TELO2: variants seen among roughly 807,000 people sequenced by gnomAD.
TELO2 encodes telomere maintenance 2.
TELO2 carries 71 observed loss-of-function variants against 91.0 expected under a neutral mutation model. The ratio of observed to expected loss-of-function variants is 0.78; its 90% CI spans 0.64 to 0.95. The LOEUF is 0.95. Among genes scored for constraint, TELO2 ranks in the 40% least tolerant of loss-of-function variants. The pLI, the probability that TELO2 is intolerant of heterozygous loss-of-function variation, is 0.00. For synonymous variants in TELO2, 584 were observed against 518.9 expected, an observed-to-expected ratio of 1.13 and a Z score of -1.71; for missense variants, 1,183 against 1,141.3, an observed-to-expected ratio of 1.04 and a Z score of -0.53.
chr16:1,501,120 G>A lies in TELO2; in HGVS notation c.1282-300G>A, dbSNP rs188312543. Among the ~76,000 whole-genome samples, 6 of 152,346 alleles carry A rather than the reference G, an allele frequency of 3.9e-5. No individual in the cohort carries two copies. The East Asian group carries it at 9.6e-4, about 24-fold the overall frequency. ...TCTGCCTTCAGGCTGTGGAGGTGACGGCCTGTCCTCTTATCTGCTGAGAAC... is the reference window on the plus strand; with the variant it reads ...TCTGCCTTCAGGCTGTGGAGGTGACAGCCTGTCCTCTTATCTGCTGAGAAC... On this transcript the variant is annotated intron_variant, in intron 9 of 20. Transcript: ENST00000262319.
intron 17 of TELO2, 99 bp downstream of exon 17, chr16:1,506,428 G>A (rs2039895661): frequency 6.2e-7 from 1 of 1,604,758 alleles, no homozygotes; most frequent in Non-Finnish European, 8.5e-7. Context: ...GTGGGTTTGG[G>A]TGTGAACAGG....
chr16:1,495,653 C>A, intron 3 of TELO2, 30 bp downstream of exon 3: 1 of 1,556,374 alleles, frequency 6.4e-7, no homozygotes, highest in Non-Finnish European at 8.7e-7. Context: ...ACCCCCTTTG[C>A]CACCCGTCTT....
In TELO2 at chr16:1,494,079, C is replaced by T. The variant is rs1490774126; in HGVS notation, c.-36-167C>T. On this transcript the variant is annotated intron_variant, in intron 1 of 20. Transcript: ENST00000262319. The surrounding 1 kb of genome is among the most constrained non-coding windows in gnomAD (Gnocchi z 5.6). The stretch of plus-strand genomic sequence containing the variant: ...TAGCGTTGGGGTCCGAGCGGAGGAG[C>T]GAACTCTGGGTGGAAACCGGCAGGC... Among the ~76,000 whole-genome samples, 1 of 151,794 alleles carries T rather than the reference C, an allele frequency of 6.6e-6. No homozygotes were observed. Among genetic ancestry groups the T allele is most frequent in the Non-Finnish European group, 1.5e-5 (1 of 67,950 alleles).
Position 1,494,500 on chromosome 16 carries a change from C to G in TELO2, c.219C>G (p.Ala73=), listed in dbSNP as rs1159471179. 1.2e-6 allele frequency: 2 copies of G among 1,613,326 alleles called. No homozygotes were observed. Among genetic ancestry groups the G allele is most frequent in the East Asian group, 4.5e-5 (2 of 44,864 alleles). ...LRCLASRLSP[A]WLELLPHGRL... The stretch of plus-strand genomic sequence containing the variant: ...GTCTTGCCAGCAGGCTGAGCCCAGC[C>G]TGGCTGGAGCTGCTGCCCCATGGCC... The change falls in exon 2 of 21, where the codon GCC becomes GCG. Residue 73 remains alanine (A), a synonymous_variant. Transcript: ENST00000262319. This position sits in a 1 kb window ranked among gnomAD's most constrained non-coding sequence, Gnocchi z 5.6.
intron 15 of TELO2, 150 bp downstream of exon 15, chr16:1,503,152 A>G (rs2039768927): frequency 3.6e-6 from 3 of 826,510 alleles, no homozygotes; most frequent in Non-Finnish European, 5.8e-6. Context: ...GGCAGGACTC[A>G]GCAGTGGGGG....
intron 3 of TELO2, 37 bp from the exon 4 acceptor site, chr16:1,496,999 C>T (rs200395716): frequency 5.7e-5 from 92 of 1,607,036 alleles, no homozygotes; most frequent in East Asian, 4.5e-4. Flanking sequence ...TGTGCCTTCC[C>T]GCCGGCTTCC....
rs780829741 is a variant in TELO2, at chr16:1,500,124, A to G, written c.962A>G (p.His321Arg). ...CCCATGCTGCAGAGCCTGCTGGGCC[A>G]TCTGGCCATGGACAGCCAGCGGCGC... ...TTPMLQSLLG[H>R]LAMDSQRRPL... The change falls in exon 7 of 21, where the codon CAT becomes CGT. Residue 321 changes from histidine (H) to arginine (R), a missense_variant. Transcript: ENST00000262319. 9.3e-6 allele frequency: 15 copies of G among 1,608,848 alleles called. No individual in the cohort carries two copies.
chr16:1,494,697 T>C lies in TELO2; in HGVS notation c.335+81T>C, dbSNP rs985974836. The C allele has an allele frequency of 2.9e-6, 4 of 1,394,734 alleles. No individual in the cohort carries two copies. In the African/African-American group the frequency reaches 4.3e-5, roughly 15 times the overall value. The allele number at this position is 1,394,734 out of a possible 1,614,324, so 86.4% of individuals were successfully genotyped here. ...GGCTTGAAGGACTGGACCAAGAGCC[T>C]CTCTAGTCCCTGTGAGGGGCTAGAG... On this transcript the variant is annotated intron_variant, in intron 2 of 20. Transcript: ENST00000262319. This position sits in a 1 kb window ranked among gnomAD's most constrained non-coding sequence, Gnocchi z 5.6.
At chr16:1,496,136 T>C (rs2039484304) in intron 3 of TELO2, among the ~76,000 whole-genome samples, 1 of 152,130 alleles carries the variant, frequency 6.6e-6, no homozygotes, top group Admixed American at 6.5e-5. Flanking sequence ...ACCCCTTCCT[T>C]CTCTTGCCTT....
At chr16:1,496,441 C>T (rs1340074435) in intron 3 of TELO2, among the ~76,000 whole-genome samples, 1 of 152,232 alleles carries the variant, frequency 6.6e-6, no homozygotes. Flanking sequence ...TGCTGCTGTG[C>T]ATGGGCCCAT....
rs1337988162 is a variant in TELO2, at chr16:1,494,365, C to A, written c.84C>A (p.Ile28=). The A allele has an allele frequency of 1.2e-6, 2 of 1,613,546 alleles. No individual in the cohort carries two copies. Among genetic ancestry groups the A allele is most frequent in the East Asian group, 2.2e-5 (1 of 44,872 alleles). The change falls in exon 2 of 21, where the codon ATC becomes ATA. Residue 28 remains isoleucine (I), a synonymous_variant. Coordinates refer to ENST00000262319, the MANE Select transcript of TELO2 (RefSeq NM_016111.4). The surrounding 1 kb of genome is among the most constrained non-coding windows in gnomAD (Gnocchi z 5.6). The stretch of plus-strand genomic sequence containing the variant: ...CGTCTTCGGAGGATGGCGGCCACAT[C>A]TTCTGCACCCTGGAGTCCCTGAAGC... ...ALSSSEDGGH[I]FCTLESLKRY...
chr16:1,501,353 G>A (rs1009551196), intron 9 of TELO2, 67 bp from the exon 10 acceptor site: 14 of 1,546,392 alleles, frequency 9.1e-6, no homozygotes, highest in African/African-American at 4.1e-5. Flanking sequence ...AGTGGCTCCC[G>A]TGGCTCCGTC....
intron 13 of TELO2, 75 bp downstream of exon 13, chr16:1,502,479 GA>G: frequency 3.9e-6 from 6 of 1,532,474 alleles, no homozygotes; most frequent in Non-Finnish European, 5.3e-6. Context: ...CCTGGCCACT[GA>G]GGGTGACATA....
At chr16:1,499,991 G>C in intron 6 of TELO2, 105 bp from the exon 7 acceptor site, 1 of 1,320,736 alleles carries the variant, frequency 7.6e-7, no homozygotes, top group Non-Finnish European at 1.0e-6. Context: ...TCCGTCTGCT[G>C]CCCTCAGTCT....
At chr16:1,503,060 G>T in intron 15 of TELO2, 58 bp downstream of exon 15, 1 of 1,593,332 alleles carries the variant, frequency 6.3e-7, no homozygotes. Context: ...CTAAGGTGGG[G>T]CTGCCAAAAC....
chr16:1,500,415 G>A lies in TELO2; in HGVS notation c.1071G>A (p.Gln357=), dbSNP rs765144612. The A allele has an allele frequency of 1.3e-5, 21 of 1,605,420 alleles. No individual in the cohort carries two copies. The South Asian group carries it at 2.2e-4, about 17-fold the overall frequency. Residue 357 remains glutamine (Q), a synonymous_variant, in exon 8 of 21, where the codon CAG becomes CAA. Transcript: ENST00000262319. The part of the protein sequence containing the change: ...SAIRHTPLPQ[Q]RHVSKAVLIC... ...TCCGCCACACTCCCCTGCCGCAGCAGCGCCACGTCAGCAAGGCTGTCCTCA... is the reference window on the plus strand; with the variant it reads ...TCCGCCACACTCCCCTGCCGCAGCAACGCCACGTCAGCAAGGCTGTCCTCA...
chr16:1,509,713 C>T, intron 20 of TELO2, 117 bp from the exon 21 acceptor site: 2 of 916,138 alleles, frequency 2.2e-6, no homozygotes, highest in East Asian at 5.3e-5. Context: ...AGACCCGAGC[C>T]CCCTTTCTTC....
At chr16:1,502,563 G>A (rs980991039) in intron 13 of TELO2, 82 bp from the exon 14 acceptor site, 12 of 1,542,262 alleles carry the variant, frequency 7.8e-6, no homozygotes, top group Admixed American at 1.8e-5. Flanking sequence ...TGGGGTGGGT[G>A]GCTCCGGCCC....
chr16:1,499,478 G>A (rs2039600757), intron 6 of TELO2, 145 bp downstream of exon 6: 2 of 813,250 alleles, frequency 2.5e-6, no homozygotes, highest in East Asian at 5.2e-5. Context: ...CGAGGCGGTG[G>A]GTGCCTCCCT....
Sources: gnomAD v4.1 joint callset for allele counts (sites outside exome capture counted in the v4.1 genomes callset) on GRCh38, gnomAD v4.1.1 for gene constraint, Gnocchi (gnomAD v3.1) non-coding constraint, MANE v1.5 for transcripts, NCBI Gene and HGNC (gene_info 2026-07-23, HGNC 2026-07-21) for gene names.